ROBO3: variants seen among roughly 807,000 people sequenced by gnomAD.
ROBO3 encodes roundabout homolog 3.
Under a neutral mutation model 160.5 loss-of-function variants are expected in ROBO3, and 97 were observed. The ratio of observed to expected loss-of-function variants is 0.60; its 90% CI spans 0.51 to 0.72. The LOEUF (loss-of-function observed/expected upper bound fraction) is 0.72. Ranked by LOEUF, ROBO3 falls within the 30% of genes least tolerant of loss-of-function variation. The pLI is 0.00. For missense variants in ROBO3, 1,858 were observed against 1,846.5 expected (o/e 1.01, Z -0.11); for synonymous variants, 780 against 746.2 (o/e 1.05, Z -0.74).
rs749223299 is a variant in ROBO3 at position 124,875,345 on chromosome 11, G to A, written c.2299+9G>A. 1.9e-6 allele frequency: 3 copies of A among 1,596,688 alleles called. No individual in the cohort carries two copies. The highest frequency in any genetic ancestry group is 1.7e-6 in the Non-Finnish European group (2 of 1,169,414). On this transcript the variant is annotated intron_variant, in intron 14 of 27. Coordinates refer to ENST00000397801, the MANE Select transcript of ROBO3 (RefSeq NM_022370.4). ...GAGCATTCCTGAGGAGGGTAAGGAG[G>A]GCCACCGAACAGATGGATGGACAAG...
chr11:124,879,472 C>G lies in ROBO3; in HGVS notation c.3693C>G (p.Thr1231=). The change falls in exon 25 of 28, where the codon ACC becomes ACG. Residue 1231 remains threonine (T), a synonymous_variant. Coordinates refer to ENST00000397801, the MANE Select transcript of ROBO3 (RefSeq NM_022370.4). ...PSTASSAPGR[T]WQGNGEMTPP... ...CGTCTCCTAACACTGCAGGCAGAACCTGGCAGGGGAATGGGGAGATGACTC... is the reference window on the plus strand; with the variant it reads ...CGTCTCCTAACACTGCAGGCAGAACGTGGCAGGGGAATGGGGAGATGACTC... The G allele has an allele frequency of 6.2e-7, 1 of 1,613,832 alleles. No individual in the cohort carries two copies. The highest frequency in any genetic ancestry group is 8.5e-7 in the Non-Finnish European group (1 of 1,179,814).
chr11:124,874,412 G>C (rs1946322125), intron 12 of ROBO3, among the ~76,000 whole-genome samples, 176 bp downstream of exon 12: 1 of 152,214 alleles, frequency 6.6e-6, no homozygotes, highest in South Asian at 2.1e-4. Context: ...AAGAGACAAG[G>C]GAGGAGGAAG....
rs954690258 is a variant in ROBO3, at chr11:124,872,268, C to T, written c.1159-113C>T. 2.3e-4 allele frequency: 227 copies of T among 988,662 alleles called. No individual in the cohort carries two copies. Among genetic ancestry groups the T allele is most frequent in the Non-Finnish European group, 3.1e-4 (195 of 621,230 alleles). The allele number at this position is 988,662 out of a possible 1,614,324, so 61.2% of individuals were successfully genotyped here. A position where few individuals can be genotyped will look rare whatever the true frequency, so the allele number is the denominator to read the frequency against. On this transcript the variant is annotated intron_variant, in intron 7 of 27. Transcript: ENST00000397801. This position sits in a 1 kb window ranked among gnomAD's most constrained non-coding sequence, Gnocchi z 4.3. ...AGTTCACATCACTGCTGGAGACAGACGATGAACTAGAATCATAGGAATTCT... is the reference window on the plus strand; with the variant it reads ...AGTTCACATCACTGCTGGAGACAGATGATGAACTAGAATCATAGGAATTCT...
chr11:124,876,395 T>C lies in ROBO3; in HGVS notation c.2714T>C (p.Leu905Pro), dbSNP rs1339440635. The C allele has an allele frequency of 4.1e-6, 6 of 1,454,452 alleles. No individual in the cohort carries two copies. Among genetic ancestry groups the C allele is most frequent in the Non-Finnish European group, 4.5e-6 (5 of 1,109,938 alleles). The allele number at this position is 1,454,452 out of a possible 1,614,324, so 90.1% of individuals were successfully genotyped here. The change falls in exon 17 of 28, where the codon CTT (leucine) becomes CCT (proline). Residue 905 changes from leucine to proline, a missense_variant. Leu to Pro is a moderately conservative substitution (Grantham distance 98). Coordinates refer to ENST00000397801, the MANE Select transcript of ROBO3 (RefSeq NM_022370.4). This position sits in a 1 kb window ranked among gnomAD's most constrained non-coding sequence, Gnocchi z 5.3. ...AGSGAACGALLLGLCAALYWR... is the reference protein window; with the variant it reads ...AGSGAACGALPLGLCAALYWR... ...AGCGGCGCAGCCTGCGGGGCGCTGC[T>C]TCTCGGGCTCTGCGCCGCCCTCTAC...
At chr11:124,880,727 C>G (rs984857767) in intron 27 of ROBO3, 119 bp downstream of exon 27, 1 of 1,371,000 alleles carries the variant, frequency 7.3e-7, no homozygotes, top group Middle Eastern at 2.2e-4. Context: ...AGGAGGGGAT[C>G]GAGAGGGTGA....
Position 124,876,336 on chromosome 11 carries a change from G to T in ROBO3, c.2655G>T (p.Ala885=). Residue 885 remains alanine (A), a synonymous_variant, in exon 17 of 28, where the codon GCG becomes GCT. Transcript: ENST00000397801. This position sits in a 1 kb window ranked among gnomAD's most constrained non-coding sequence, Gnocchi z 5.3. The stretch of plus-strand genomic sequence containing the variant: ...GCGCGGGGCTGGCGGTGCGGCTGGC[G>T]AGGGTGCTGCGGGAGCCCGCCTTCC... ...EVGAGLAVRL[A]RVLREPAFLA... 17 of 1,440,982 alleles carry T rather than the reference G, an allele frequency of 1.2e-5. 1 individual carries two copies. Among genetic ancestry groups the T allele is most frequent in the Non-Finnish European group, 1.5e-5 (17 of 1,107,360 alleles). The allele number at this position is 1,440,982 out of a possible 1,614,324, so 89.3% of individuals were successfully genotyped here.
In ROBO3 at chr11:124,872,173, G is replaced by GTTTCCCC. The variant is rs1453565946; in HGVS notation, c.1159-208_1159-207insTTTCCCC. Among the ~76,000 whole-genome samples the GTTTCCCC allele has an allele frequency of 2.0e-5, 3 of 152,248 alleles. No homozygotes were observed. Among genetic ancestry groups the GTTTCCCC allele is most frequent in the Non-Finnish European group, 4.4e-5 (3 of 68,048 alleles). ...CCCCACTAGTAAGTCACGGAGCTGG[G>GTTTCCCC]AAGTAGACTCTGAAATTGTCTAATA... On this transcript the variant is annotated intron_variant, in intron 7 of 27. Coordinates refer to ENST00000397801, the MANE Select transcript of ROBO3 (RefSeq NM_022370.4). The surrounding 1 kb of genome is among the most constrained non-coding windows in gnomAD (Gnocchi z 4.3).
chr11:124,870,095 G>C (rs376161161), intron 4 of ROBO3, 27 bp downstream of exon 4: 7 of 1,613,916 alleles, frequency 4.3e-6, no homozygotes, highest in Non-Finnish European at 5.1e-6. Flanking sequence ...TTGACATTAT[G>C]GGAACAGGTA....
chr11:124,874,147 C>G lies in ROBO3; in HGVS notation c.1862C>G (p.Pro621Arg), dbSNP rs1210496962. ...ACACACACAGTCAGCGGTCTGCAGCCCAATACCATCTACCTGTTTCTGGTT... is the reference window on the plus strand; with the variant it reads ...ACACACACAGTCAGCGGTCTGCAGCGCAATACCATCTACCTGTTTCTGGTT... Reference protein sequence around the residue: ...LETHTVSGLQPNTIYLFLVRA... With the variant: ...LETHTVSGLQRNTIYLFLVRA... The change falls in exon 12 of 28, where the codon CCC becomes CGC. Residue 621 changes from proline to arginine, a missense_variant. Coordinates refer to ENST00000397801, the MANE Select transcript of ROBO3 (RefSeq NM_022370.4). 1 of 1,613,830 alleles carries G rather than the reference C, an allele frequency of 6.2e-7. No homozygotes were observed. Among genetic ancestry groups the G allele is most frequent in the Non-Finnish European group, 8.5e-7 (1 of 1,179,884 alleles).
Position 124,869,098 on chromosome 11 carries a change from G to T in ROBO3, c.457G>T (p.Ala153Ser). The T allele has an allele frequency of 6.3e-7, 1 of 1,579,914 alleles. No individual in the cohort carries two copies. The change falls in exon 2 of 28, where the codon GCG becomes TCG. Residue 153 changes from alanine (A) to serine (S), a missense_variant. By Grantham distance (99) the Ala-to-Ser change is moderately conservative (BLOSUM62 1). Coordinates refer to ENST00000397801, the MANE Select transcript of ROBO3 (RefSeq NM_022370.4). The surrounding 1 kb of genome is among the most constrained non-coding windows in gnomAD (Gnocchi z 4.2). The part of the protein sequence containing the change: ...CVARNYLGAA[A>S]SRNASLEVAV... ...GGCTCGCAACTACCTGGGGGCAGCA[G>T]CGAGCAGAAACGCCTCGCTGGAAGT...
intron 25 of ROBO3, 94 bp from the exon 26 acceptor site, chr11:124,879,693 C>G: frequency 1.3e-6 from 2 of 1,568,760 alleles, no homozygotes; most frequent in Non-Finnish European, 1.7e-6. Context: ...TTGGGCTGTT[C>G]ATTGGCAGCC....
chr11:124,878,349 C>G lies in ROBO3; in HGVS notation c.3233C>G (p.Ser1078Cys). 2.5e-6 allele frequency: 4 copies of G among 1,613,912 alleles called. No individual in the cohort carries two copies. Among genetic ancestry groups the G allele is most frequent in the Non-Finnish European group, 3.4e-6 (4 of 1,179,848 alleles). The change falls in exon 22 of 28, where the codon TCT becomes TGT. Residue 1078 changes from serine to cysteine, a missense_variant. Physicochemically the swap from Ser to Cys is moderately radical, Grantham distance 112 (BLOSUM62 -1). Transcript: ENST00000397801. This position sits in a 1 kb window ranked among gnomAD's most constrained non-coding sequence, Gnocchi z 4.3. ...CTGGGGAAACCTGTGCAGATGCCCT[C>G]TCTGAACTGGCCAGAAGCCCTGCCC... ...KLLGKPVQMPSLNWPEALPPP... is the reference protein window; with the variant it reads ...KLLGKPVQMPCLNWPEALPPP...
At chr11:124,868,758 A>G in intron 1 of ROBO3, 44 bp from the exon 2 acceptor site, 1 of 1,547,194 alleles carries the variant, frequency 6.5e-7, no homozygotes, top group South Asian at 1.2e-5. Flanking sequence ...ATCTCTCCCC[A>G]CAATTTCCCT....
rs1309782409 is a variant in ROBO3 at position 124,876,243 on chromosome 11, C to T, written c.2594-32C>T. ...CTTTCCCAGTTCCAGGGTTTCGGGC[C>T]CCTCCTCCCCTCACTTCTCTGACCC... On this transcript the variant is annotated intron_variant, in intron 16 of 27. Coordinates refer to ENST00000397801, the MANE Select transcript of ROBO3 (RefSeq NM_022370.4). This position sits in a 1 kb window ranked among gnomAD's most constrained non-coding sequence, Gnocchi z 5.3. 1.3e-6 allele frequency: 2 copies of T among 1,492,454 alleles called. No individual in the cohort carries two copies. The highest frequency in any genetic ancestry group is 2.2e-5 in the Admixed American group (1 of 44,488). The allele number at this position is 1,492,454 out of a possible 1,614,324, so 92.5% of individuals were successfully genotyped here.
chr11:124,878,588 G>C lies in ROBO3; in HGVS notation c.3325G>C (p.Glu1109Gln), dbSNP rs762358667. 1.2e-6 allele frequency: 2 copies of C among 1,610,442 alleles called. No homozygotes were observed. The highest frequency in any genetic ancestry group is 1.7e-6 in the Non-Finnish European group (2 of 1,178,440). ...CTCCTGCCTCTTTGATCCCAGCTCA[G>C]AGCCAGAGGAGTGGTGCCCGCCAAT... ...GPEEELEGSS[E>Q]PEEWCPPMPE... is the part of the protein sequence containing the mutation. Residue 1109 changes from glutamate (E) to glutamine (Q), a missense_variant, in exon 23 of 28, where the codon GAG becomes CAG. Glu to Gln is a conservative substitution (Grantham distance 29). Coordinates refer to ENST00000397801, the MANE Select transcript of ROBO3 (RefSeq NM_022370.4). This position sits in a 1 kb window ranked among gnomAD's most constrained non-coding sequence, Gnocchi z 4.3.
rs34127060 is a variant in ROBO3 at position 124,869,429 on chromosome 11, G to GCCCCCCCCCCCCCCCCCCCCCCCC, written c.488-15_488-14insCCCCCCCCCCCCCCCCCCCCCCCC. 3.1e-6 allele frequency: 4 copies of GCCCCCCCCCCCCCCCCCCCCCCCC among 1,301,812 alleles called. No individual in the cohort carries two copies. Among genetic ancestry groups the GCCCCCCCCCCCCCCCCCCCCCCCC allele is most frequent in the South Asian group, 2.5e-5 (2 of 79,978 alleles). 80.6% of individuals were successfully genotyped at this position (1,301,812 alleles called of 1,614,324 possible). On this transcript the variant is annotated intron_variant, in intron 2 of 27. Coordinates refer to ENST00000397801, the MANE Select transcript of ROBO3 (RefSeq NM_022370.4). The surrounding 1 kb of genome is among the most constrained non-coding windows in gnomAD (Gnocchi z 4.2). ...TGTCACTCTACACCCTGCTTATTTC[G>GCCCCCCCCCCCCCCCCCCCCCCCC]CCCCCCACCGCCCCGCCCAGTCCTC...
chr11:124,871,365 G>A (rs1164195585), intron 7 of ROBO3, among the ~76,000 whole-genome samples: 1 of 152,232 alleles, frequency 6.6e-6, no homozygotes, highest in Non-Finnish European at 1.5e-5. Flanking sequence ...AGATGGTGGA[G>A]AACAGTCCTG....
intron 11 of ROBO3, 58 bp from the exon 12 acceptor site, chr11:124,874,012 A>G (rs1240209057): frequency 7.5e-6 from 12 of 1,604,424 alleles, no homozygotes; most frequent in Non-Finnish European, 1.0e-5. Flanking sequence ...GATGAGATGG[A>G]GTAGGCAGGT....
chr11:124,879,380 C>A (rs777389656), intron 24 of ROBO3, 39 bp downstream of exon 24: 1 of 1,607,152 alleles, frequency 6.2e-7, no homozygotes, highest in Non-Finnish European at 8.5e-7. Flanking sequence ...CCGGCTCCCT[C>A]CAGTGCTTGC....
Sources: allele counts gnomAD v4.1 joint callset (sites outside exome capture counted in the v4.1 genomes callset), GRCh38; gene constraint gnomAD v4.1.1; non-coding constraint Gnocchi (gnomAD v3.1); transcripts MANE v1.5; gene names NCBI Gene and HGNC (gene_info 2026-07-23, HGNC 2026-07-21).